Variants in GNPDA2 observed in about 807,000 individuals in gnomAD.
GNPDA2 encodes the protein glucosamine-6-phosphate deaminase 2.
Under a neutral mutation model 27.0 loss-of-function variants are expected in GNPDA2, and 24 were observed. That is an observed-to-expected ratio of 0.89 (90% CI 0.64 to 1.25). GNPDA2 has a LOEUF of 1.25. Ranked by LOEUF, GNPDA2 falls within the 50% of genes most tolerant of loss-of-function variation. The pLI, the probability that GNPDA2 is intolerant of heterozygous loss-of-function variation, is 0.00. For missense variants in GNPDA2, 286 were observed against 335.1 expected (o/e 0.85, Z 1.14); for synonymous variants, 94 against 108.4 (o/e 0.87, Z 0.83).
At chr4:44,708,550 T>A (rs980007370) in intron 5 of GNPDA2, among the ~76,000 whole-genome samples, 1 of 152,044 alleles carries the variant, frequency 6.6e-6, no homozygotes, top group African/African-American at 2.4e-5. Context: ...ATTACCCTTA[T>A]AAGCTACAGA....
intron 6 of GNPDA2, chr4:44,706,844 A>C (rs1716637113): frequency 6.6e-6 from 1 of 152,044 alleles, no homozygotes; most frequent in Non-Finnish European, 1.5e-5. Context: ...CATTAAAATA[A>C]ATACCTAGTT....
chr4:44,723,904 C>A (rs532185162), intron 1 of GNPDA2, among the ~76,000 whole-genome samples: 3 of 152,098 alleles, frequency 2.0e-5, no homozygotes, highest in Non-Finnish European at 4.4e-5. Context: ...CCCTTATCTG[C>A]ATGAAGGATT....
At chr4:44,719,437 T>G (rs887288375) in intron 2 of GNPDA2, among the ~76,000 whole-genome samples, 1 of 152,044 alleles carries the variant, frequency 6.6e-6, no homozygotes, top group African/African-American at 2.4e-5. Flanking sequence ...GATGTCAGAA[T>G]AGACAAGGCT....
At chr4:44,712,406 T>C (rs1318263155) in intron 4 of GNPDA2, among the ~76,000 whole-genome samples, 1 of 152,154 alleles carries the variant, frequency 6.6e-6, no homozygotes, top group Non-Finnish European at 1.5e-5. Flanking sequence ...ATGAATACTC[T>C]ATTGAAGCAA....
intron 4 of GNPDA2, among the ~76,000 whole-genome samples, chr4:44,715,237 G>C (rs942251959): frequency 6.6e-5 from 10 of 152,162 alleles, no homozygotes; most frequent in African/African-American, 1.9e-4. Context: ...TGCTATGAAT[G>C]CTTTCTGGAA....
At chr4:44,718,228 A>T in intron 3 of GNPDA2, 81 bp downstream of exon 3, 1 of 551,582 alleles carries the variant, frequency 1.8e-6, no homozygotes, top group South Asian at 2.5e-5. Context: ...ATTCAAATAT[A>T]CTTGTATTCT....
chr4:44,723,831 C>A (rs1397740019), intron 1 of GNPDA2, among the ~76,000 whole-genome samples: 1 of 152,046 alleles, frequency 6.6e-6, no homozygotes, highest in African/African-American at 2.4e-5. Context: ...GCAAGCGGCT[C>A]AAGGGTCCGG....
At chr4:44,704,490 T>C in intron 6 of GNPDA2, 1 of 765,188 alleles carries the variant, frequency 1.3e-6, no homozygotes. Flanking sequence ...TTTATAAAAT[T>C]TTTTTCTTTA....
chr4:44,720,943 G>A (rs1179728153), intron 2 of GNPDA2, among the ~76,000 whole-genome samples: 1 of 151,978 alleles, frequency 6.6e-6, no homozygotes, highest in Non-Finnish European at 1.5e-5. Context: ...ACAGAGGTAG[G>A]CTGAGTGTAA....
chr4:44,722,708 A>T (rs1717756260), intron 1 of GNPDA2, among the ~76,000 whole-genome samples: 1 of 152,186 alleles, frequency 6.6e-6, no homozygotes, highest in Non-Finnish European at 1.5e-5. Context: ...GTGATATGCA[A>T]GTACTATGTC....
intron 3 of GNPDA2, among the ~76,000 whole-genome samples, chr4:44,717,762 C>A (rs1717399902): frequency 6.6e-6 from 1 of 151,838 alleles, no homozygotes; most frequent in Admixed American, 6.6e-5. Context: ...TATGTGGGAT[C>A]ACAACACTTC....
At chr4:44,716,445 T>C (rs185432999) in intron 4 of GNPDA2, among the ~76,000 whole-genome samples, 244 of 152,052 alleles carry the variant, frequency 1.6e-3, no homozygotes, top group Non-Finnish European at 2.5e-3. Context: ...CTGTCTGCGA[T>C]AGTTTACACT....
At chr4:44,704,450 A>T in intron 6 of GNPDA2, 1 of 851,714 alleles carries the variant, frequency 1.2e-6, no homozygotes, top group Non-Finnish European at 1.4e-6. Context: ...TGCAAATTAA[A>T]ATATCAGTAA....
intron 5 of GNPDA2, among the ~76,000 whole-genome samples, chr4:44,708,150 T>C (rs1716733175): frequency 6.6e-6 from 1 of 152,158 alleles, no homozygotes; most frequent in African/African-American, 2.4e-5. Context: ...TATGGGTTAT[T>C]AATGCAAACA....
chr4:44,702,095 A>AT lies in GNPDA2; in HGVS notation c.*985dup. ...AAATGAATGCAGGTTCACATGTACTATAATTGTTGGGAGTCGAATGCATGT... is the reference window on the plus strand; with the variant it reads ...AAATGAATGCAGGTTCACATGTACTATTAATTGTTGGGAGTCGAATGCATGT... On this transcript the variant is annotated 3_prime_UTR_variant, in exon 7 of 7. Transcript: ENST00000295448. 1 of 983,184 alleles carries AT rather than the reference A, an allele frequency of 1.0e-6. No individual in the cohort carries two copies. Among genetic ancestry groups the AT allele is most frequent in the Non-Finnish European group, 1.2e-6 (1 of 827,580 alleles). The allele number at this position is 983,184 out of a possible 1,614,324, so 60.9% of individuals were successfully genotyped here. A position where few individuals can be genotyped will look rare whatever the true frequency, so the allele number is the denominator to read the frequency against.
chr4:44,713,418 T>G (rs1164746122), intron 4 of GNPDA2, among the ~76,000 whole-genome samples: 6 of 152,174 alleles, frequency 3.9e-5, no homozygotes, highest in Admixed American at 2.0e-4. Context: ...AAGACTTGGT[T>G]GTTTTAACTT....
chr4:44,721,302 C>T (rs1049471038), intron 2 of GNPDA2, among the ~76,000 whole-genome samples: 14 of 152,148 alleles, frequency 9.2e-5, no homozygotes, highest in Admixed American at 8.5e-4. Flanking sequence ...GGGACTTACA[C>T]ATACACTATC....
Position 44,702,150 on chromosome 4 carries a change from A to G in GNPDA2, c.*931T>C. 1 of 923,584 alleles carries G rather than the reference A, an allele frequency of 1.1e-6. No individual in the cohort carries two copies. The highest frequency in any genetic ancestry group is 1.3e-6 in the Non-Finnish European group (1 of 773,208). The allele number at this position is 923,584 out of a possible 1,614,324, so 57.2% of individuals were successfully genotyped here. A position where few individuals can be genotyped will look rare whatever the true frequency, so the allele number is the denominator to read the frequency against. On this transcript the variant is annotated 3_prime_UTR_variant, in exon 7 of 7. Coordinates refer to ENST00000295448, the MANE Select transcript of GNPDA2 (RefSeq NM_138335.3). ...TTCAGGTTCACTTCTGGAAATTTAG[A>G]TAACTTATTTATTACACGCTTTATT...
At chr4:44,705,715 CA>C (rs1716558632) in intron 6 of GNPDA2, 1 of 152,370 alleles carries the variant, frequency 6.6e-6, no homozygotes. Flanking sequence ...ATAGAATAGA[CA>C]AAAGCCTGCA....
Sources: gnomAD v4.1 joint callset for allele counts (sites outside exome capture counted in the v4.1 genomes callset) on GRCh38, gnomAD v4.1.1 for gene constraint, MANE v1.5 for transcripts, NCBI Gene and HGNC (gene_info 2026-07-23, HGNC 2026-07-21) for gene names.